NRG3: variants seen among roughly 807,000 people sequenced by gnomAD.
The protein encoded by NRG3 is pro-neuregulin-3, membrane-bound isoform.
In NRG3, 31 loss-of-function variants were observed where a neutral mutation model predicts 66.9. The ratio of observed to expected loss-of-function variants is 0.46; its 90% CI spans 0.35 to 0.63. The LOEUF is 0.63. Among genes scored for constraint, NRG3 ranks in the 20% least tolerant of loss-of-function variants. NRG3 has a pLI of 0.00. For missense variants in NRG3, 910 were observed against 878.9 expected (o/e 1.04, Z -0.45); for synonymous variants, 393 against 359.4 (o/e 1.09, Z -1.06).
At chr10:82,601,813 C>A (rs945717410) in intron 2 of NRG3, among the ~76,000 whole-genome samples, 2 of 147,212 alleles carry the variant, frequency 1.4e-5, no homozygotes, top group Non-Finnish European at 3.0e-5. Flanking sequence ...AGTTTCAGAC[C>A]AGCCTGGGCA....
chr10:82,228,522 AC>A (rs1281731372), intron 1 of NRG3, among the ~76,000 whole-genome samples: 2 of 151,676 alleles, frequency 1.3e-5, no homozygotes, highest in African/African-American at 4.9e-5. Flanking sequence ...ACTTCCCAGG[AC>A]TTTTTTCATT....
chr10:82,675,694 C>G (rs1042797975), intron 2 of NRG3, among the ~76,000 whole-genome samples: 3 of 152,134 alleles, frequency 2.0e-5, no homozygotes, highest in Non-Finnish European at 2.9e-5. Flanking sequence ...AAATGCCTCC[C>G]AAGGCTAGCT....
At chr10:82,969,440 T>C (rs1053650471) in intron 6 of NRG3, among the ~76,000 whole-genome samples, 63 of 152,210 alleles carry the variant, frequency 4.1e-4, no homozygotes, top group Non-Finnish European at 8.7e-4. Context: ...GTATTTCCAT[T>C]ATGTATTGGA....
intron 1 of NRG3, among the ~76,000 whole-genome samples, chr10:82,322,304 T>C (rs2081619154): frequency 6.6e-6 from 1 of 152,196 alleles, no homozygotes; most frequent in African/African-American, 2.4e-5. Context: ...TAAAAATTCC[T>C]TTTTCTTCAC....
chr10:82,345,297 C>G (rs1445474152), intron 1 of NRG3, among the ~76,000 whole-genome samples: 1 of 130,844 alleles, frequency 7.6e-6, no homozygotes, highest in Non-Finnish European at 1.5e-5. Context: ...GCTAGTTTTC[C>G]AAACACCATT....
chr10:82,911,481 T>A (rs1003497646), intron 4 of NRG3, among the ~76,000 whole-genome samples: 10 of 151,940 alleles, frequency 6.6e-5, no homozygotes, highest in Non-Finnish European at 1.0e-4. Context: ...GTAGATTATG[T>A]CTTTTAAGGC....
intron 1 of NRG3, among the ~76,000 whole-genome samples, chr10:82,041,797 G>T (rs1176301843): frequency 7.6e-6 from 1 of 131,314 alleles, no homozygotes; most frequent in South Asian, 2.9e-4. Context: ...TATGAAAGAA[G>T]AATGGTCTAC....
In NRG3 at chr10:82,214,089, T is replaced by A. The variant is rs953965133; in HGVS notation, c.824-144650T>A. On this transcript the variant is annotated intron_variant, in intron 1 of 8. Transcript: ENST00000372141. ...CATTCTGTTCTGACAAAGTGTTTTTTTAAAAGAAAAGAGGCCAAATATTCA... is the reference window on the plus strand; with the variant it reads ...CATTCTGTTCTGACAAAGTGTTTTTATAAAAGAAAAGAGGCCAAATATTCA... 2.6e-5 allele frequency among the ~76,000 whole-genome samples: 4 copies of A among 152,212 alleles called. No homozygotes were observed. In the East Asian group the frequency reaches 7.7e-4, roughly 29 times the overall value.
intron 1 of NRG3, among the ~76,000 whole-genome samples, chr10:81,966,473 T>C (rs2059734774): frequency 6.6e-6 from 1 of 152,056 alleles, no homozygotes; most frequent in Non-Finnish European, 1.5e-5. Context: ...TTCTTCTATT[T>C]ATTTATTTAT....
At chr10:82,861,538 C>T (rs75375547) in intron 3 of NRG3, among the ~76,000 whole-genome samples, 1,862 of 152,276 alleles carry the variant, frequency 0.012, 34 homozygotes, top group African/African-American at 0.038. Context: ...CTCCATTAAT[C>T]AAACATGCCA....
intron 1 of NRG3, among the ~76,000 whole-genome samples, chr10:81,975,831 G>C (rs1367003002): frequency 6.6e-6 from 1 of 152,138 alleles, no homozygotes; most frequent in Non-Finnish European, 1.5e-5. Context: ...CATTATCCAA[G>C]TGCTCCCAAT....
intron 1 of NRG3, chr10:81,877,684 A>T: frequency 6.2e-6 from 8 of 1,298,338 alleles, no homozygotes; most frequent in Non-Finnish European, 7.8e-6. Flanking sequence ...ATAAATTGGG[A>T]GACAGGAAGG....
chr10:82,413,794 G>A (rs2088311983), intron 2 of NRG3, among the ~76,000 whole-genome samples: 1 of 152,054 alleles, frequency 6.6e-6, no homozygotes, highest in East Asian at 1.9e-4. Context: ...TTATGGAGAT[G>A]GCTTCTTTCC....
intron 2 of NRG3, among the ~76,000 whole-genome samples, chr10:82,370,955 C>CACAT (rs1206325830): frequency 2.0e-5 from 3 of 151,814 alleles, no homozygotes; most frequent in Non-Finnish European, 2.9e-5. Context: ...TACAAACACA[C>CACAT]ACACACACAC....
chr10:82,937,424 A>G (rs780179233), intron 4 of NRG3, among the ~76,000 whole-genome samples: 4 of 152,152 alleles, frequency 2.6e-5, no homozygotes, highest in Non-Finnish European at 5.9e-5. Flanking sequence ...GACCCTGGGA[A>G]CAGATCTGTG....
At chr10:82,430,445 G>A (rs1260289557) in intron 2 of NRG3, among the ~76,000 whole-genome samples, 2 of 152,026 alleles carry the variant, frequency 1.3e-5, no homozygotes, top group African/African-American at 2.4e-5. Flanking sequence ...TTTTAGTAGA[G>A]ATGGGGTTTC....
intron 2 of NRG3, among the ~76,000 whole-genome samples, chr10:82,520,329 T>C (rs918991399): frequency 2.0e-5 from 3 of 151,896 alleles, no homozygotes; most frequent in African/African-American, 7.3e-5. Flanking sequence ...GATCCAAATC[T>C]TCTAGTCTCC....
At chr10:82,448,295 T>C (rs550320404) in intron 2 of NRG3, among the ~76,000 whole-genome samples, 270 of 152,324 alleles carry the variant, frequency 1.8e-3, no homozygotes, top group African/African-American at 6.2e-3. Flanking sequence ...CTTTACAGCA[T>C]CTAGAAAAAT....
intron 1 of NRG3, among the ~76,000 whole-genome samples, chr10:82,241,643 T>C (rs1197873906): frequency 4.6e-5 from 7 of 152,154 alleles, no homozygotes; most frequent in Non-Finnish European, 1.0e-4. Context: ...AATTGGCCTT[T>C]ATTTACAGTG....
Sources: allele counts gnomAD v4.1 joint callset (sites outside exome capture counted in the v4.1 genomes callset), GRCh38; gene constraint gnomAD v4.1.1; transcripts MANE v1.5; gene names NCBI Gene and HGNC (gene_info 2026-07-23, HGNC 2026-07-21).